The following ZHX2 variants were observed in gnomAD, a reference collection of about 807,000 sequenced individuals.
The protein encoded by ZHX2 is zinc fingers and homeoboxes protein 2.
In ZHX2, 6 loss-of-function variants were observed where a neutral mutation model predicts 21.9. That is an observed-to-expected ratio of 0.27 (90% CI 0.15 to 0.54). ZHX2 has a LOEUF of 0.54. Among genes scored for constraint, ZHX2 ranks in the 20% least tolerant of loss-of-function variants. ZHX2 has a pLI of 0.95. For missense variants in ZHX2, 908 were observed against 1,090.7 expected (o/e 0.83, Z 2.36); for synonymous variants, 434 against 437.1 (o/e 0.99, Z 0.09).
chr8:122,861,944 T>G (rs933217099), intron 1 of ZHX2, among the ~76,000 whole-genome samples: 2 of 152,184 alleles, frequency 1.3e-5, no homozygotes, highest in Non-Finnish European at 2.9e-5. Context: ...TAAAGGGCAG[T>G]GGACAAAAGC....
In ZHX2 at chr8:122,935,986, G is replaced by A. The variant is rs1378643794; in HGVS notation, c.-219-15306G>A. Among the ~76,000 whole-genome samples, 3 of 152,288 alleles carry A rather than the reference G, an allele frequency of 2.0e-5. No individual in the cohort carries two copies. In the East Asian group the frequency reaches 5.8e-4, roughly 29 times the overall value. ...AAGAATCTTATACCTTATTCCCTGA[G>A]TATCTAAGGCAGTGTCTGGCACATA... On this transcript the variant is annotated intron_variant, in intron 2 of 3. Transcript: ENST00000314393.
At chr8:122,883,446 T>C (rs1166404588) in intron 2 of ZHX2, among the ~76,000 whole-genome samples, 1 of 152,218 alleles carries the variant, frequency 6.6e-6, no homozygotes, top group Non-Finnish European at 1.5e-5. Flanking sequence ...GACCCATCAC[T>C]TCTTGAGAAA....
intron 1 of ZHX2, among the ~76,000 whole-genome samples, chr8:122,836,123 AT>A (rs1818489004): frequency 6.6e-6 from 1 of 152,140 alleles, no homozygotes; most frequent in African/African-American, 2.4e-5. Flanking sequence ...CACTGCTGCC[AT>A]TTTCGTTCCC....
intron 1 of ZHX2, among the ~76,000 whole-genome samples, chr8:122,826,276 C>T (rs531223432): frequency 8.5e-5 from 13 of 152,312 alleles, no homozygotes; most frequent in Admixed American, 3.3e-4. Flanking sequence ...AACGGTTTTT[C>T]CCAAACTACT....
chr8:122,787,324 A>G (rs1177343156), intron 1 of ZHX2, among the ~76,000 whole-genome samples: 1 of 152,096 alleles, frequency 6.6e-6, no homozygotes, highest in Admixed American at 6.5e-5. Flanking sequence ...CATTAGAAAC[A>G]CTTAGTGGAG....
At chr8:122,892,032 G>A (rs939607283) in intron 2 of ZHX2, among the ~76,000 whole-genome samples, 5 of 152,134 alleles carry the variant, frequency 3.3e-5, no homozygotes, top group Non-Finnish European at 7.4e-5. Context: ...GCAGTCCTCA[G>A]CTATTATTAT....
At chr8:122,788,220 C>CAAATT (rs1817438279) in intron 1 of ZHX2, among the ~76,000 whole-genome samples, 1 of 152,180 alleles carries the variant, frequency 6.6e-6, no homozygotes. Flanking sequence ...TTTAATCTGA[C>CAAATT]CCTGAGGAGT....
intron 2 of ZHX2, among the ~76,000 whole-genome samples, chr8:122,895,181 T>A (rs1820071159): frequency 6.6e-6 from 1 of 152,204 alleles, no homozygotes; most frequent in South Asian, 2.1e-4. Flanking sequence ...GCTCTCTCCC[T>A]TCTTTAAAGG....
intron 1 of ZHX2, among the ~76,000 whole-genome samples, chr8:122,860,194 G>A (rs771560129): frequency 9.2e-5 from 14 of 152,182 alleles, no homozygotes; most frequent in African/African-American, 2.9e-4. Flanking sequence ...ATCAGATCTC[G>A]TGAGAACTCA....
At position 122,951,911 on chromosome 8, in the gene ZHX2, C is replaced by A. The variant is rs201126119; in HGVS notation, c.401C>A (p.Pro134His). The A allele has an allele frequency of 6.2e-7, 1 of 1,614,056 alleles. No individual in the cohort carries two copies. The highest frequency in any genetic ancestry group is 8.5e-7 in the Non-Finnish European group (1 of 1,180,020). ...TCCGACCACAACTCCAAGTTCCATC[C>A]CGGGGAGGCCAACTTCAAGCTGAAG... is the stretch of plus-strand genomic sequence containing the variant. ...SLSDHNSKFH[P>H]GEANFKLKLI... Residue 134 changes from proline (P) to histidine (H), a missense_variant, in exon 3 of 4, where the codon CCC becomes CAC. Physicochemically the swap from Pro to His is moderately conservative, Grantham distance 77. This residue lies in a region of ZHX2 where 220 missense variants were observed against 251.4 expected (regional missense o/e 0.88). Coordinates refer to ENST00000314393, the MANE Select transcript of ZHX2 (RefSeq NM_014943.5).
chr8:122,931,281 C>T (rs1378345783), intron 2 of ZHX2, among the ~76,000 whole-genome samples: 1 of 152,170 alleles, frequency 6.6e-6, no homozygotes, highest in Admixed American at 6.5e-5. Context: ...TACACTGCTG[C>T]CTGCGTGAGA....
intron 2 of ZHX2, among the ~76,000 whole-genome samples, chr8:122,920,607 T>C (rs1169758562): frequency 6.6e-6 from 1 of 152,142 alleles, no homozygotes; most frequent in African/African-American, 2.4e-5. Flanking sequence ...TCATGCGGTG[T>C]GGTGTAGCTT....
intron 2 of ZHX2, among the ~76,000 whole-genome samples, chr8:122,934,651 T>TTCCTTCCTTCCTTCC (rs1307060916): frequency 6.7e-6 from 1 of 149,778 alleles, no homozygotes; most frequent in Non-Finnish European, 1.5e-5. Flanking sequence ...TCCTTCCTTC[T>TTCCTTCCTTCCTTCC]TTATTACCTT....
chr8:122,971,490 C>T (rs924484097), intron 3 of ZHX2, among the ~76,000 whole-genome samples: 5 of 150,760 alleles, frequency 3.3e-5, no homozygotes, highest in African/African-American at 1.2e-4. Context: ...ATCTTACTCC[C>T]AGGAGCATCT....
rs770996604 is a variant in ZHX2, at chr8:122,953,051, C to T, written c.1541C>T (p.Ala514Val). Residue 514 changes from alanine (A) to valine (V), a missense_variant, in exon 3 of 4, where the codon GCG becomes GTG. Transcript: ENST00000314393. The surrounding 1 kb of genome is among the most constrained non-coding windows in gnomAD (Gnocchi z 4.6). ...CTTGCCAAAGACCAGTTGGCCATCG[C>T]GGCCTCCCGACACGGTCGCACGTAT... ...ESLAKDQLAIAASRHGRTYHA... is the reference protein window; with the variant it reads ...ESLAKDQLAIVASRHGRTYHA... The T allele has an allele frequency of 2.8e-5, 45 of 1,613,952 alleles. No homozygotes were observed. Among genetic ancestry groups the T allele is most frequent in the Admixed American group, 5.0e-5 (3 of 60,008 alleles).
At chr8:122,890,274 A>C (rs535308689) in intron 2 of ZHX2, among the ~76,000 whole-genome samples, 1 of 152,066 alleles carries the variant, frequency 6.6e-6, no homozygotes, top group Non-Finnish European at 1.5e-5. Context: ...CTATAAATAC[A>C]TGGATTTATT....
intron 1 of ZHX2, among the ~76,000 whole-genome samples, chr8:122,825,800 A>C (rs1818251989): frequency 1.3e-5 from 2 of 152,230 alleles, no homozygotes; most frequent in Admixed American, 1.3e-4. Context: ...GGCTACAAAA[A>C]GCAGGACAAT....
At chr8:122,909,247 A>G (rs936702377) in intron 2 of ZHX2, among the ~76,000 whole-genome samples, 1 of 152,110 alleles carries the variant, frequency 6.6e-6, no homozygotes, top group African/African-American at 2.4e-5. Context: ...CTTGGCCCAC[A>G]GGGTGAAACC....
intron 2 of ZHX2, among the ~76,000 whole-genome samples, chr8:122,881,980 A>G (rs920447070): frequency 6.6e-6 from 1 of 152,230 alleles, no homozygotes; most frequent in African/African-American, 2.4e-5. Context: ...TTTGTTTCCA[A>G]GAACACTTAA....
Sources: gnomAD v4.1 joint callset for allele counts (sites outside exome capture counted in the v4.1 genomes callset) on GRCh38, gnomAD v4.1.1 for gene constraint, gnomAD v4.1.1 regional missense constraint, Gnocchi (gnomAD v3.1) non-coding constraint, MANE v1.5 for transcripts, NCBI Gene and HGNC (gene_info 2026-07-23, HGNC 2026-07-21) for gene names.